CSMD1: variants seen among roughly 807,000 people sequenced by gnomAD.
The protein encoded by CSMD1 is CUB and Sushi multiple domains 1.
In CSMD1, 213 loss-of-function variants were observed where a neutral mutation model predicts 417.5. The observed-to-expected ratio is 0.51, with a 90% CI of 0.46 to 0.57. The LOEUF is 0.57. Ranked by LOEUF, CSMD1 falls within the 20% of genes least tolerant of loss-of-function variation. The pLI, the probability that CSMD1 is intolerant of heterozygous loss-of-function variation, is 0.00. For missense variants in CSMD1, 6,923 were observed against 4,529.7 expected, an observed-to-expected ratio of 1.53 and a Z score of -15.17; for synonymous variants, 2,862 against 1,736.8, an observed-to-expected ratio of 1.65 and a Z score of -16.11.
chr8:3,633,525 T>C (rs977174447), intron 7 of CSMD1, among the ~76,000 whole-genome samples: 17 of 152,208 alleles, frequency 1.1e-4, no homozygotes, highest in Non-Finnish European at 2.4e-4. Context: ...CAGAATACAA[T>C]GGACAATTGT....
intron 23 of CSMD1, among the ~76,000 whole-genome samples, chr8:3,315,493 G>GT (rs1440622167): frequency 2.7e-5 from 4 of 146,670 alleles, no homozygotes; most frequent in South Asian, 2.1e-4. Context: ...ATTATTTATG[G>GT]TTTTTTAAGC....
intron 3 of CSMD1, among the ~76,000 whole-genome samples, chr8:4,353,390 A>G (rs1563085014): frequency 6.6e-6 from 1 of 152,110 alleles, no homozygotes; most frequent in South Asian, 2.1e-4. Flanking sequence ...AGCCGTGTGG[A>G]ACTGTGAGTC....
In CSMD1 at chr8:2,954,215, T is replaced by C; in HGVS notation, c.10039+9A>G. 1 of 1,472,520 alleles carries C rather than the reference T, an allele frequency of 6.8e-7. No individual in the cohort carries two copies. Among genetic ancestry groups the C allele is most frequent in the African/African-American group, 1.4e-5 (1 of 71,216 alleles). 91.2% of individuals were successfully genotyped at this position (1,472,520 alleles called of 1,614,324 possible). A position where few individuals can be genotyped will look rare whatever the true frequency, so the allele number is the denominator to read the frequency against. ...GGATTGAAATCTAGAACTGTTCTGG[T>C]ATACAAACCTGGAGTTTTAGTAACT... On this transcript the variant is annotated intron_variant, in intron 65 of 69. Coordinates refer to ENST00000635120, the MANE Select transcript of CSMD1 (RefSeq NM_033225.6).
At chr8:4,393,299 G>T (rs1210346208) in intron 3 of CSMD1, among the ~76,000 whole-genome samples, 1 of 152,118 alleles carries the variant, frequency 6.6e-6, no homozygotes, top group African/African-American at 2.4e-5. Context: ...TTAATTAGGT[G>T]CTTTAGAAAT....
intron 9 of CSMD1, among the ~76,000 whole-genome samples, chr8:3,584,162 A>T (rs1166015196): frequency 2.0e-5 from 3 of 152,236 alleles, no homozygotes; most frequent in Non-Finnish European, 4.4e-5. Flanking sequence ...ATAAGAACTG[A>T]AGTACTATTC....
At chr8:4,366,088 C>T (rs1240163377) in intron 3 of CSMD1, among the ~76,000 whole-genome samples, 1 of 152,014 alleles carries the variant, frequency 6.6e-6, no homozygotes, top group East Asian at 1.9e-4. Context: ...CCTACCCTCC[C>T]CACTCAGGTA....
At chr8:4,481,633 A>G (rs1036370263) in intron 2 of CSMD1, among the ~76,000 whole-genome samples, 11 of 152,190 alleles carry the variant, frequency 7.2e-5, no homozygotes, top group Admixed American at 5.2e-4. Context: ...ATGAGGAAAT[A>G]AAAGCACCAA....
At chr8:3,570,067 A>C (rs1386709793) in intron 10 of CSMD1, among the ~76,000 whole-genome samples, 1 of 152,252 alleles carries the variant, frequency 6.6e-6, no homozygotes, top group African/African-American at 2.4e-5. Context: ...AGAGAAGAGA[A>C]TTGTATAAAC....
chr8:4,130,854 T>C (rs1228765063), intron 3 of CSMD1, among the ~76,000 whole-genome samples: 1 of 151,474 alleles, frequency 6.6e-6, no homozygotes, highest in East Asian at 1.9e-4. Flanking sequence ...ATATATATTA[T>C]TTAACTTAGA....
chr8:3,535,540 G>T lies in CSMD1; in HGVS notation c.1344+39405C>A, dbSNP rs557707990. 2.4e-3 allele frequency among the ~76,000 whole-genome samples: 358 copies of T among 152,234 alleles called. 1 individual carries two copies. The highest frequency in any genetic ancestry group is 6.8e-3 in the Middle Eastern group (2 of 294). On this transcript the variant is annotated intron_variant, in intron 10 of 69. Transcript: ENST00000635120. ...GTGACCTGTAAGACCACGGAGACTT[G>T]GAAGGGGGCTGGTGGGTAGGAAGAA...
intron 3 of CSMD1, among the ~76,000 whole-genome samples, chr8:4,241,691 G>C (rs1036269811): frequency 1.4e-4 from 21 of 145,464 alleles, no homozygotes; most frequent in African/African-American, 5.1e-4. Context: ...AATGGGATTT[G>C]GAGTGATTTT....
chr8:3,781,533 G>C (rs553868723), intron 5 of CSMD1, among the ~76,000 whole-genome samples: 1 of 152,214 alleles, frequency 6.6e-6, no homozygotes, highest in South Asian at 2.1e-4. Flanking sequence ...TGGATATATG[G>C]TCTATCTGCT....
intron 3 of CSMD1, among the ~76,000 whole-genome samples, chr8:4,314,830 T>C (rs749669055): frequency 3.9e-5 from 6 of 152,176 alleles, no homozygotes; most frequent in Admixed American, 6.5e-5. Flanking sequence ...CAAAGGATTT[T>C]GTAAGAGGAG....
rs1211895046 is a variant in CSMD1 at position 3,474,270 on chromosome 8, G to C, written c.1449-5446C>G. Among the ~76,000 whole-genome samples the C allele has an allele frequency of 2.6e-5, 4 of 152,076 alleles. 1 individual carries two copies. The South Asian group carries it at 8.3e-4, about 32-fold the overall frequency. On this transcript the variant is annotated intron_variant, in intron 11 of 69. Coordinates refer to ENST00000635120, the MANE Select transcript of CSMD1 (RefSeq NM_033225.6). ...TGAATATAAATCGTCAAATAAAAAT[G>C]TTTCAAGTATATGATAATCATACAA...
intron 3 of CSMD1, among the ~76,000 whole-genome samples, chr8:4,306,146 A>G (rs1402756878): frequency 2.0e-5 from 3 of 150,814 alleles, no homozygotes; most frequent in South Asian, 2.1e-4. Context: ...GTAGATTTTT[A>G]GAAGAAAGAG....
intron 5 of CSMD1, among the ~76,000 whole-genome samples, chr8:3,855,717 G>C (rs1804254926): frequency 6.6e-6 from 1 of 152,094 alleles, no homozygotes; most frequent in Non-Finnish European, 1.5e-5. Flanking sequence ...TTCTTCTACT[G>C]AGAAAATTTC....
chr8:4,129,531 G>A (rs3849822), intron 3 of CSMD1, among the ~76,000 whole-genome samples: 16,804 of 152,078 alleles, frequency 0.11, 1,118 homozygotes, highest in East Asian at 0.3. Flanking sequence ...ATAGGAATCC[G>A]ATTTTGAGAT....
chr8:4,499,197 G>A (rs1229433161), intron 2 of CSMD1, among the ~76,000 whole-genome samples: 1 of 152,168 alleles, frequency 6.6e-6, no homozygotes, highest in East Asian at 1.9e-4. Context: ...AAATTGAGGA[G>A]CCTCAGAAAG....
At chr8:3,455,210 C>T (rs1204879694) in intron 12 of CSMD1, among the ~76,000 whole-genome samples, 2 of 152,058 alleles carry the variant, frequency 1.3e-5, no homozygotes, top group East Asian at 1.9e-4. Context: ...GTTAGCCAGT[C>T]GTCTAATTTT....
Sources: gnomAD v4.1 joint callset for allele counts (sites outside exome capture counted in the v4.1 genomes callset) on GRCh38, gnomAD v4.1.1 for gene constraint, MANE v1.5 for transcripts, NCBI Gene and HGNC (gene_info 2026-07-23, HGNC 2026-07-21) for gene names.